The following LRMDA variants were observed in gnomAD, a reference collection of about 807,000 sequenced individuals.
LRMDA encodes leucine rich melanocyte differentiation associated, also known as leucine-rich melanocyte differentiation-associated protein.
A neutral mutation model predicts 29.8 loss-of-function variants in LRMDA; 18 were observed. That is an observed-to-expected ratio of 0.60 (90% confidence interval 0.42 to 0.90). LRMDA has a LOEUF of 0.90. Among genes scored for constraint, LRMDA ranks in the 40% least tolerant of loss-of-function variants. The probability of loss-of-function intolerance (pLI) is 0.00; values close to 1 mark genes in which losing one functional copy is unlikely to be tolerated. For missense variants in LRMDA, 273 were observed against 273.9 expected, an observed-to-expected ratio of 1.00 and a Z score of 0.02; for synonymous variants, 125 against 109.4, an observed-to-expected ratio of 1.14 and a Z score of -0.89.
At chr10:75,895,776 G>T (rs1845571189) in intron 2 of LRMDA, among the ~76,000 whole-genome samples, 1 of 152,208 alleles carries the variant, frequency 6.6e-6, no homozygotes, top group Admixed American at 6.5e-5. Context: ...AAATAAGCGG[G>T]TTTATGTTTA....
intron 2 of LRMDA, among the ~76,000 whole-genome samples, chr10:75,765,186 G>A (rs1843147515): frequency 6.6e-6 from 1 of 151,726 alleles, no homozygotes; most frequent in Non-Finnish European, 1.5e-5. Context: ...GGGGTATGAG[G>A]AAGAGGAGGA....
chr10:76,072,918 A>C (rs1248844105), intron 5 of LRMDA, among the ~76,000 whole-genome samples: 2 of 152,242 alleles, frequency 1.3e-5, no homozygotes, highest in Non-Finnish European at 2.9e-5. Context: ...TAGGCCTTCC[A>C]GTCTCCATGT....
intron 2 of LRMDA, among the ~76,000 whole-genome samples, chr10:76,017,287 G>A (rs981569336): frequency 6.6e-6 from 1 of 152,250 alleles, no homozygotes; most frequent in Non-Finnish European, 1.5e-5. Flanking sequence ...GACGCCATGT[G>A]AAGGCTGGAG....
chr10:76,005,738 G>A (rs1283690569), intron 2 of LRMDA, among the ~76,000 whole-genome samples: 1 of 152,126 alleles, frequency 6.6e-6, no homozygotes, highest in Non-Finnish European at 1.5e-5. Context: ...AGATCAACTT[G>A]GCTAACACAG....
At chr10:75,733,268 G>C (rs76477376) in intron 2 of LRMDA, among the ~76,000 whole-genome samples, 1 of 152,208 alleles carries the variant, frequency 6.6e-6, no homozygotes, top group Non-Finnish European at 1.5e-5. Flanking sequence ...TGCATCATTG[G>C]TGGCTCCCAT....
intron 2 of LRMDA, among the ~76,000 whole-genome samples, chr10:75,873,525 G>A (rs1845147084): frequency 6.6e-6 from 1 of 152,158 alleles, no homozygotes; most frequent in African/African-American, 2.4e-5. Context: ...GTTCTTTGGG[G>A]TTTCAATTCA....
chr10:75,801,279 G>T (rs1843740075), intron 2 of LRMDA, among the ~76,000 whole-genome samples: 2 of 152,270 alleles, frequency 1.3e-5, no homozygotes, highest in African/African-American at 4.8e-5. Context: ...GTTCTGTTCT[G>T]GTATTTCCCT....
intron 6 of LRMDA, among the ~76,000 whole-genome samples, chr10:76,363,185 G>A (rs1249819718): frequency 8.8e-4 from 18 of 20,464 alleles, no homozygotes; most frequent in African/African-American, 4.0e-3. Flanking sequence ...AAGGAGGGAG[G>A]GAGGGAGGGA....
At chr10:75,471,605 G>C (rs534389823) in intron 2 of LRMDA, among the ~76,000 whole-genome samples, 1 of 152,246 alleles carries the variant, frequency 6.6e-6, no homozygotes, top group South Asian at 2.1e-4. Context: ...ACGTTGTTTT[G>C]AGTTCTGTTG....
At chr10:75,549,637 G>A (rs184525482) in intron 2 of LRMDA, among the ~76,000 whole-genome samples, 1 of 152,150 alleles carries the variant, frequency 6.6e-6, no homozygotes, top group Admixed American at 6.6e-5. Flanking sequence ...TATTTTTGAA[G>A]TCAGATTTAG....
chr10:76,214,906 G>A (rs1851702281), intron 5 of LRMDA, among the ~76,000 whole-genome samples: 1 of 152,220 alleles, frequency 6.6e-6, no homozygotes, highest in South Asian at 2.1e-4. Context: ...GCTGGGAACA[G>A]CAGAACTCTC....
chr10:76,094,127 G>C (rs913450716), intron 5 of LRMDA, among the ~76,000 whole-genome samples: 1 of 152,152 alleles, frequency 6.6e-6, no homozygotes. Flanking sequence ...AGGAACCCCT[G>C]CTAACATATG....
intron 5 of LRMDA, among the ~76,000 whole-genome samples, chr10:76,092,104 T>G (rs906511259): frequency 6.6e-6 from 1 of 152,218 alleles, no homozygotes; most frequent in African/African-American, 2.4e-5. Context: ...TTTGGCTGTA[T>G]GCAAATGGTT....
At chr10:76,257,475 A>G (rs1589397503) in intron 5 of LRMDA, among the ~76,000 whole-genome samples, 1 of 151,900 alleles carries the variant, frequency 6.6e-6, no homozygotes, top group African/African-American at 2.4e-5. Flanking sequence ...CTGGGATTAC[A>G]GGCACCCACC....
chr10:75,448,947 T>C (rs1294823772), intron 2 of LRMDA, among the ~76,000 whole-genome samples: 1 of 151,952 alleles, frequency 6.6e-6, no homozygotes, highest in African/African-American at 2.4e-5. Context: ...AGGTCAGAAG[T>C]TCAAGACCAG....
At chr10:75,963,045 A>C in intron 2 of LRMDA, among the ~76,000 whole-genome samples, 1 of 152,162 alleles carries the variant, frequency 6.6e-6, no homozygotes, top group South Asian at 2.1e-4. Flanking sequence ...TGCTATATCT[A>C]TTTACTTATT....
At chr10:76,372,542 G>A (rs1293565099) in intron 6 of LRMDA, among the ~76,000 whole-genome samples, 1 of 151,590 alleles carries the variant, frequency 6.6e-6, no homozygotes, top group Non-Finnish European at 1.5e-5. Context: ...GAACCGAGGA[G>A]GCAGAGGAAT....
At chr10:75,927,896 T>C (rs1362106804) in intron 2 of LRMDA, among the ~76,000 whole-genome samples, 1 of 152,180 alleles carries the variant, frequency 6.6e-6, no homozygotes, top group Non-Finnish European at 1.5e-5. Context: ...ATTTAGCCTC[T>C]CTGTATCTCA....
intron 6 of LRMDA, among the ~76,000 whole-genome samples, chr10:76,380,690 AAG>A (rs1841579980): frequency 6.6e-6 from 1 of 151,076 alleles, no homozygotes; most frequent in Admixed American, 6.6e-5. Flanking sequence ...AAAAAAAAAA[AAG>A]AGGAATATAC....
Sources: gnomAD v4.1 joint callset for allele counts (sites outside exome capture counted in the v4.1 genomes callset) on GRCh38, gnomAD v4.1.1 for gene constraint, MANE v1.5 for transcripts, NCBI Gene and HGNC (gene_info 2026-07-23, HGNC 2026-07-21) for gene names.